The following F13A1 variants were observed in gnomAD, a reference collection of about 807,000 sequenced individuals.
The protein encoded by F13A1 is coagulation factor XIII A chain.
F13A1 carries 47 observed loss-of-function variants against 80.1 expected under a neutral mutation model. The observed-to-expected ratio is 0.59, with a 90% confidence interval of 0.46 to 0.75. The LOEUF is 0.75. Among genes scored for constraint, F13A1 ranks in the 30% least tolerant of loss-of-function variants. The probability of loss-of-function intolerance (pLI) is 0.00; values close to 1 mark genes in which losing one functional copy is unlikely to be tolerated. For missense variants in F13A1, 817 were observed against 930.4 expected, an observed-to-expected ratio of 0.88 and a Z score of 1.59; for synonymous variants, 349 against 344.9, an observed-to-expected ratio of 1.01 and a Z score of -0.13.
chr6:6,145,658 G>A lies in F13A1; in HGVS notation c.2160C>T (p.Gly720=), dbSNP rs749954802. Residue 720 remains glycine (G), a synonymous_variant, in exon 15 of 15, where the codon GGC becomes GGT. Coordinates refer to ENST00000264870, the MANE Select transcript of F13A1 (RefSeq NM_000129.4). ...GTCTTTGAATCTGCACGTCCAGCTC[G>A]CCATACACATGTCTCAGGGAGTCAC... ...MSSDSLRHVY[G]ELDVQIQRRP... is the part of the protein sequence containing the mutation. 2.8e-5 allele frequency: 45 copies of A among 1,613,998 alleles called. No homozygotes were observed. Among genetic ancestry groups the A allele is most frequent in the African/African-American group, 2.1e-4 (16 of 74,902 alleles).
At chr6:6,262,570 G>A (rs962738473) in intron 4 of F13A1, among the ~76,000 whole-genome samples, 2 of 152,090 alleles carry the variant, frequency 1.3e-5, no homozygotes, top group African/African-American at 4.8e-5. Context: ...TGGAAGCAGG[G>A]AGCACCCTCC....
intron 12 of F13A1, among the ~76,000 whole-genome samples, chr6:6,174,250 C>CGTG (rs1417303105): frequency 1.3e-5 from 2 of 152,022 alleles, no homozygotes; most frequent in East Asian, 3.9e-4. Context: ...ATTTGCCTGG[C>CGTG]GTGGTGGCAT....
intron 14 of F13A1, among the ~76,000 whole-genome samples, chr6:6,150,266 C>T (rs147612533): frequency 9.2e-5 from 14 of 152,214 alleles, no homozygotes; most frequent in African/African-American, 3.1e-4. Flanking sequence ...TGGGAAGGTG[C>T]GAGAATGGGT....
At chr6:6,248,817 T>C (rs910874658) in intron 5 of F13A1, among the ~76,000 whole-genome samples, 1 of 152,242 alleles carries the variant, frequency 6.6e-6, no homozygotes, top group African/African-American at 2.4e-5. Flanking sequence ...GAAAGTAATG[T>C]GAATCCTCGT....
chr6:6,304,207 A>T (rs940775220), intron 3 of F13A1, among the ~76,000 whole-genome samples: 54 of 150,024 alleles, frequency 3.6e-4, no homozygotes, highest in African/African-American at 1.3e-3. Flanking sequence ...AGCAATCTTT[A>T]TTATCATTGA....
chr6:6,181,894 C>G, intron 11 of F13A1, 94 bp downstream of exon 11: 2 of 1,378,754 alleles, frequency 1.5e-6, no homozygotes, highest in Non-Finnish European at 2.1e-6. Flanking sequence ...GCTGCAAATG[C>G]CAGTGCATTC....
chr6:6,218,437 A>C (rs1757135581), intron 8 of F13A1, among the ~76,000 whole-genome samples: 1 of 152,192 alleles, frequency 6.6e-6, no homozygotes, highest in Non-Finnish European at 1.5e-5. Flanking sequence ...CCTTCCCCCC[A>C]GAGGTTACAC....
chr6:6,226,273 T>C (rs1757274961), intron 6 of F13A1, among the ~76,000 whole-genome samples: 1 of 152,206 alleles, frequency 6.6e-6, no homozygotes, highest in Non-Finnish European at 1.5e-5. Context: ...CCTTGCTACT[T>C]GAGGCATTCA....
At chr6:6,171,420 A>G (rs1016215535) in intron 12 of F13A1, among the ~76,000 whole-genome samples, 5 of 152,172 alleles carry the variant, frequency 3.3e-5, no homozygotes, top group African/African-American at 7.2e-5. Flanking sequence ...TTCATCACTC[A>G]TTTGGCTTCC....
intron 2 of F13A1, among the ~76,000 whole-genome samples, chr6:6,307,499 G>T (rs1330165243): frequency 6.6e-6 from 1 of 152,124 alleles, no homozygotes; most frequent in Admixed American, 6.5e-5. Context: ...TGTTGAAAAG[G>T]AGCTTAGCAA....
At chr6:6,175,358 T>C (rs407447) in intron 11 of F13A1, among the ~76,000 whole-genome samples, 49,371 of 152,046 alleles carry the variant, frequency 0.32, 8,318 homozygotes, top group African/African-American at 0.41. Context: ...CTCCTTCCAC[T>C]TGGGCCTGTC....
Position 6,250,894 on chromosome 6 carries a change from CTCTT to C in F13A1, c.603_606del (p.Arg202LysfsTer5), listed in dbSNP as rs1416626948. 3 of 1,613,118 alleles carry C rather than the reference CTCTT, an allele frequency of 1.9e-6. No individual in the cohort carries two copies. The highest frequency in any genetic ancestry group is 2.7e-5 in the African/African-American group (2 of 74,914). ...CCGATGTCATTCAGGACATACTCTT[CTCTT>C]TCTTTCTCATTGTCCAGATACACAG... On this transcript the variant is annotated frameshift_variant, in exon 5 of 15. Transcript: ENST00000264870. LOFTEE classifies it high-confidence loss of function. This position sits in a 1 kb window ranked among gnomAD's most constrained non-coding sequence, Gnocchi z 4.2.
In F13A1 at chr6:6,224,873, G is replaced by A. The variant is rs188094485; in HGVS notation, c.799-13C>T. Reference sequence around the variant, plus strand: ...CTTTGGCATTCACCTAAATGAGTCCGTGAGAAGTGAGAAGGAAGAAAGTTC... The same window carrying A: ...CTTTGGCATTCACCTAAATGAGTCCATGAGAAGTGAGAAGGAAGAAAGTTC... On this transcript the variant is annotated splice_polypyrimidine_tract_variant and intron_variant, in intron 6 of 14. Coordinates refer to ENST00000264870, the MANE Select transcript of F13A1 (RefSeq NM_000129.4). 4.6e-5 allele frequency: 74 copies of A among 1,613,828 alleles called. No homozygotes were observed. Among genetic ancestry groups the A allele is most frequent in the African/African-American group, 1.1e-4 (8 of 75,046 alleles).
chr6:6,206,742 T>C, intron 8 of F13A1: 2 of 362,882 alleles, frequency 5.5e-6, no homozygotes, highest in South Asian at 2.2e-5. Flanking sequence ...TCTACATACA[T>C]AATTTTCTAA....
At chr6:6,246,779 C>T (rs1757559682) in intron 6 of F13A1, among the ~76,000 whole-genome samples, 2 of 152,294 alleles carry the variant, frequency 1.3e-5, no homozygotes, top group East Asian at 1.9e-4. Context: ...CTTCTGGGTG[C>T]GTAAAAGTAC....
At chr6:6,200,316 C>T (rs1247051805) in intron 8 of F13A1, among the ~76,000 whole-genome samples, 1 of 152,082 alleles carries the variant, frequency 6.6e-6, no homozygotes, top group African/African-American at 2.4e-5. Flanking sequence ...CCAGTAATCC[C>T]AGCATTTTAG....
In F13A1 at chr6:6,217,229, A is replaced by G. The variant is rs373064169; in HGVS notation, c.1112+4804T>C. On this transcript the variant is annotated intron_variant, in intron 8 of 14. Transcript: ENST00000264870. ...TGCTGCTATAAAGACACATGCACAC[A>G]TATGTTTATTGCGGCACTATTCACA... Among the ~76,000 whole-genome samples, 76 of 152,076 alleles carry G rather than the reference A, an allele frequency of 5.0e-4. No individual in the cohort carries two copies. In the East Asian group the frequency reaches 0.011, roughly 22 times the overall value.
chr6:6,280,191 T>G (rs1364060365), intron 3 of F13A1, among the ~76,000 whole-genome samples: 2 of 152,226 alleles, frequency 1.3e-5, no homozygotes, highest in African/African-American at 4.8e-5. Context: ...GTGCTTATGA[T>G]GAGCAGAGTG....
intron 6 of F13A1, among the ~76,000 whole-genome samples, chr6:6,225,701 C>G (rs545586548): frequency 2.0e-5 from 3 of 152,134 alleles, no homozygotes; most frequent in African/African-American, 7.2e-5. Context: ...CAGGGTCTCC[C>G]TATGTTGCCC....
Sources: allele counts gnomAD v4.1 joint callset (sites outside exome capture counted in the v4.1 genomes callset), GRCh38; gene constraint gnomAD v4.1.1; non-coding constraint Gnocchi (gnomAD v3.1); transcripts MANE v1.5; gene names NCBI Gene and HGNC (gene_info 2026-07-23, HGNC 2026-07-21).